Variants in TEDDM1 observed in about 807,000 individuals in gnomAD.
The protein encoded by TEDDM1 is transmembrane epididymal protein 1.
For missense variants in TEDDM1, 344 were observed against 318.9 expected (o/e 1.08, Z -0.60); for synonymous variants, 126 against 128.0 (o/e 0.98, Z 0.11).
rs768380805 is a variant in TEDDM1 at position 182,400,140 on chromosome 1, C to T, written c.346G>A (p.Val116Met). ...LIIYELLLLM[V>M]SHVKDSEGVE... ...CCTTCTGAATCTTTAACATGTGACA[C>T]CATCAGCAGCAGGAGCTCGTAGATG... is the stretch of plus-strand genomic sequence containing the variant. The change falls in exon 1 of 1, where the codon GTG becomes ATG. Residue 116 changes from valine (V) to methionine (M), a missense_variant. Val to Met is a conservative substitution (Grantham distance 21). Coordinates refer to ENST00000367565, the MANE Select transcript of TEDDM1 (RefSeq NM_172000.4). 1 of 1,614,064 alleles carries T rather than the reference C, an allele frequency of 6.2e-7. No homozygotes were observed. The highest frequency in any genetic ancestry group is 1.1e-5 in the South Asian group (1 of 91,074).
Position 182,400,625 on chromosome 1 carries a change from T to C in TEDDM1, c.-140A>G, listed in dbSNP as rs147136858. The C allele has an allele frequency of 1.7e-3, 1,148 of 669,354 alleles. 10 individuals carry two copies. In the African/African-American group the frequency reaches 0.018, roughly 11 times the overall value. The allele number at this position is 669,354 out of a possible 1,614,324, so 41.5% of individuals were successfully genotyped here. A position where few individuals can be genotyped will look rare whatever the true frequency, so the allele number is the denominator to read the frequency against. The stretch of plus-strand genomic sequence containing the variant: ...AGAGCAATACTCAGGACCTCTCTGC[T>C]CTCCTCTCCCTCACAGGCCTCTCGA... On this transcript the variant is annotated 5_prime_UTR_variant, in exon 1 of 1. Coordinates refer to ENST00000367565, the MANE Select transcript of TEDDM1 (RefSeq NM_172000.4).
rs757001962 is a variant in TEDDM1, at chr1:182,399,868, C to T, written c.618G>A (p.Val206=). 3.1e-6 allele frequency: 5 copies of T among 1,614,208 alleles called. No individual in the cohort carries two copies. The highest frequency in any genetic ancestry group is 4.2e-6 in the Non-Finnish European group (5 of 1,180,036). The change falls in exon 1 of 1, where the codon GTG becomes GTA. Residue 206 remains valine (V), a synonymous_variant. Coordinates refer to ENST00000367565, the MANE Select transcript of TEDDM1 (RefSeq NM_172000.4). ...CCAACAGGAATGAGGCATTGATCAT[C>T]ACATGCCAGCAGAAGAAGGTGGTGA... ...MFVTTFFCWH[V]MINASFLLGI...
At position 182,399,754 on chromosome 1, in the gene TEDDM1, G is replaced by A. The variant is rs1650649446; in HGVS notation, c.732C>T (p.Ser244=). Residue 244 remains serine, a synonymous_variant, in exon 1 of 1, where the codon AGC becomes AGT. Transcript: ENST00000367565. ...TGPKEAPYYA[S]TPGPLYKLLQ... ...GCAACTTGTAGAGGGGTCCTGGAGT[G>A]CTTGCATAATATGGAGCTTCTTTGG... 2.5e-6 allele frequency: 4 copies of A among 1,613,968 alleles called. No homozygotes were observed. Among genetic ancestry groups the A allele is most frequent in the Non-Finnish European group, 3.4e-6 (4 of 1,180,018 alleles).
Position 182,400,375 on chromosome 1 carries a change from G to A in TEDDM1, c.111C>T (p.Gly37=). The A allele has an allele frequency of 6.2e-7, 1 of 1,614,198 alleles. No individual in the cohort carries two copies. The highest frequency in any genetic ancestry group is 1.1e-5 in the South Asian group (1 of 91,084). ...GAACCACATAAAATGTTAAGAGGGAGCCAGTCACTATCTTTAGTAATCCTC... is the reference window on the plus strand; with the variant it reads ...GAACCACATAAAATGTTAAGAGGGAACCAGTCACTATCTTTAGTAATCCTC... ...AYGGLLKIVT[G]SLLTFYVVLC... is the part of the protein sequence containing the mutation. Residue 37 remains glycine, a synonymous_variant, in exon 1 of 1, where the codon GGC becomes GGT. Coordinates refer to ENST00000367565, the MANE Select transcript of TEDDM1 (RefSeq NM_172000.4).
chr1:182,400,361 A>C lies in TEDDM1; in HGVS notation c.125T>G (p.Phe42Cys). ...GCCATCAAGACAGAGAACCACATAA[A>C]ATGTTAAGAGGGAGCCAGTCACTAT... ...LKIVTGSLLT[F>C]YVVLCLDGGM... is the part of the protein sequence containing the mutation. Residue 42 changes from phenylalanine to cysteine, a missense_variant, in exon 1 of 1, where the codon TTT becomes TGT. Coordinates refer to ENST00000367565, the MANE Select transcript of TEDDM1 (RefSeq NM_172000.4). The C allele has an allele frequency of 1.2e-6, 2 of 1,614,158 alleles. No homozygotes were observed. The highest frequency in any genetic ancestry group is 8.5e-7 in the Non-Finnish European group (1 of 1,180,034).
chr1:182,399,815 T>C lies in TEDDM1; in HGVS notation c.671A>G (p.Tyr224Cys). Residue 224 changes from tyrosine (Y) to cysteine (C), a missense_variant, in exon 1 of 1, where the codon TAT becomes TGT. Coordinates refer to ENST00000367565, the MANE Select transcript of TEDDM1 (RefSeq NM_172000.4). Reference sequence around the variant, plus strand: ...CTTCAAGCTGGGTCTGAAACAATGATACCAAAAGGAAGAGAAGCCATAGAT... The same window carrying C: ...CTTCAAGCTGGGTCTGAAACAATGACACCAAAAGGAAGAGAAGCCATAGAT... ...LGIYGFSSFW[Y>C]HCFRPSLKLT... is the part of the protein sequence containing the mutation. 2 of 1,613,990 alleles carry C rather than the reference T, an allele frequency of 1.2e-6. No homozygotes were observed. The highest frequency in any genetic ancestry group is 1.7e-6 in the Non-Finnish European group (2 of 1,180,008).
rs1270083040 is a variant in TEDDM1 at position 182,399,643 on chromosome 1, C to G, written c.*21G>C. On this transcript the variant is annotated 3_prime_UTR_variant, in exon 1 of 1. Coordinates refer to ENST00000367565, the MANE Select transcript of TEDDM1 (RefSeq NM_172000.4). ...GGAGGAAGATGAGGTGGACGATGTG[C>G]CAGCCACTGTAGGCCCTGTCTCAGG... is the stretch of plus-strand genomic sequence containing the variant. The G allele has an allele frequency of 1.3e-6, 2 of 1,582,782 alleles. No individual in the cohort carries two copies. Among genetic ancestry groups the G allele is most frequent in the Admixed American group, 1.7e-5 (1 of 59,314 alleles).
chr1:182,400,450 G>C lies in TEDDM1; in HGVS notation c.36C>G (p.Cys12Trp), dbSNP rs1452583611. The C allele has an allele frequency of 6.2e-7, 1 of 1,612,570 alleles. No homozygotes were observed. The highest frequency in any genetic ancestry group is 8.5e-7 in the Non-Finnish European group (1 of 1,179,740). ...ILKGCLLYPL[C>W]SPRNKQRCAR... ...CACATCTTTGCTTATTCCTGGGAGA[G>C]CACAAAGGATACAGGAGACAACCTT... The change falls in exon 1 of 1, where the codon TGC (cysteine) becomes TGG (tryptophan). Residue 12 changes from cysteine to tryptophan, a missense_variant. By Grantham distance (215) the Cys-to-Trp change is radical. Coordinates refer to ENST00000367565, the MANE Select transcript of TEDDM1 (RefSeq NM_172000.4).
Position 182,400,446 on chromosome 1 carries a change from G to T in TEDDM1, c.40C>A (p.Pro14Thr), listed in dbSNP as rs1464247957. The part of the protein sequence containing the change: ...KGCLLYPLCS[P>T]RNKQRCARLW... ...CTGGCACATCTTTGCTTATTCCTGG[G>T]AGAGCACAAAGGATACAGGAGACAA... The change falls in exon 1 of 1, where the codon CCC becomes ACC. Residue 14 changes from proline (P) to threonine (T), a missense_variant. Pro to Thr is a conservative substitution (Grantham distance 38). Transcript: ENST00000367565. 6.2e-7 allele frequency: 1 copy of T among 1,613,076 alleles called. No homozygotes were observed. The highest frequency in any genetic ancestry group is 8.5e-7 in the Non-Finnish European group (1 of 1,179,828).
Position 182,400,282 on chromosome 1 carries a change from C to T in TEDDM1, c.204G>A (p.Glu68=), listed in dbSNP as rs770541062. ...QVPSRFMYPK[E]WQHLTMFILL... ...GGATGAACATGGTGAGGTGCTGCCA[C>T]TCTTTGGGGTACATGAACCTTGATG... is the stretch of plus-strand genomic sequence containing the variant. Residue 68 remains glutamate, a synonymous_variant, in exon 1 of 1, where the codon GAG becomes GAA. Transcript: ENST00000367565. 2.2e-5 allele frequency: 36 copies of T among 1,614,080 alleles called. No homozygotes were observed. The highest frequency in any genetic ancestry group is 2.8e-5 in the Non-Finnish European group (33 of 1,180,030).
rs1304725733 is a variant in TEDDM1 at position 182,398,815 on chromosome 1, T to A, written c.*849A>T. On this transcript the variant is annotated 3_prime_UTR_variant, in exon 1 of 1. Coordinates refer to ENST00000367565, the MANE Select transcript of TEDDM1 (RefSeq NM_172000.4). ...GAATGCTATAAAAATGCTATAGCAG[T>A]TGAATTCTATACAAATTTAAATTAT... The A allele has an allele frequency of 2.0e-5, 3 of 152,216 alleles. No individual in the cohort carries two copies. Among genetic ancestry groups the A allele is most frequent in the African/African-American group, 7.2e-5 (3 of 41,458 alleles). The allele number at this position is 152,216 out of a possible 1,614,324, so 9.4% of individuals were successfully genotyped here.
rs1348421186 is a variant in TEDDM1, at chr1:182,400,101, C to G, written c.385G>C (p.Val129Leu). The change falls in exon 1 of 1, where the codon GTT becomes CTT. Residue 129 changes from valine (V) to leucine (L), a missense_variant. By Grantham distance (32) the Val-to-Leu change is conservative. Transcript: ENST00000367565. Reference protein sequence around the residue: ...VKDSEGVELHVYSLLILVVFL... With the variant: ...VKDSEGVELHLYSLLILVVFL... ...ACCACCAAGATGAGCAGAGAATAAA[C>G]GTGCAGCTCCACCCCTTCTGAATCT... 1 of 1,613,882 alleles carries G rather than the reference C, an allele frequency of 6.2e-7. No individual in the cohort carries two copies. The highest frequency in any genetic ancestry group is 1.3e-5 in the African/African-American group (1 of 74,892).
Position 182,400,398 on chromosome 1 carries a change from C to T in TEDDM1, c.88G>A (p.Gly30Arg). 1 of 1,614,176 alleles carries T rather than the reference C, an allele frequency of 6.2e-7. No individual in the cohort carries two copies. The highest frequency in any genetic ancestry group is 8.5e-7 in the Non-Finnish European group (1 of 1,180,046). The change falls in exon 1 of 1, where the codon GGA becomes AGA. Residue 30 changes from glycine (G) to arginine (R), a missense_variant. Coordinates refer to ENST00000367565, the MANE Select transcript of TEDDM1 (RefSeq NM_172000.4). ...GAGCCAGTCACTATCTTTAGTAATC[C>T]TCCATAGGCTATTTTCCACAGCCTG... ...CARLWKIAYGGLLKIVTGSLL... is the reference protein window; with the variant it reads ...CARLWKIAYGRLLKIVTGSLL...
In TEDDM1 at chr1:182,398,195, T is replaced by C. The variant is rs972252311; in HGVS notation, c.*1469A>G. On this transcript the variant is annotated 3_prime_UTR_variant, in exon 1 of 1. Transcript: ENST00000367565. Reference sequence around the variant, plus strand: ...GTGCATTACTAAGGCAGTGACTCAGTGTTCAGGACTGTTGTTGTCACCCAG... The same window carrying C: ...GTGCATTACTAAGGCAGTGACTCAGCGTTCAGGACTGTTGTTGTCACCCAG... The C allele has an allele frequency of 1.3e-5, 2 of 152,206 alleles. No individual in the cohort carries two copies. The allele number at this position is 152,206 out of a possible 1,614,324, so 9.4% of individuals were successfully genotyped here.
In TEDDM1 at chr1:182,398,508, A is replaced by G. The variant is rs6667958; in HGVS notation, c.*1156T>C. 0.59 allele frequency: 90,161 copies of G among 152,082 alleles called. 27,733 individuals carry two copies. Among genetic ancestry groups the G allele is most frequent in the East Asian group, 0.83 (4,292 of 5,172 alleles). The allele number at this position is 152,082 out of a possible 1,614,324, so 9.4% of individuals were successfully genotyped here. On this transcript the variant is annotated 3_prime_UTR_variant, in exon 1 of 1. Coordinates refer to ENST00000367565, the MANE Select transcript of TEDDM1 (RefSeq NM_172000.4). ...CAAAGCAGATTTAATGTAAGTGCCC[A>G]AGAGTTCCAAAACAAGGGAATCAGT... is the stretch of plus-strand genomic sequence containing the variant.
In TEDDM1 at chr1:182,399,708, C is replaced by T. The variant is rs757117201; in HGVS notation, c.778G>A (p.Glu260Lys). 1 of 1,614,114 alleles carries T rather than the reference C, an allele frequency of 6.2e-7. No homozygotes were observed. The highest frequency in any genetic ancestry group is 8.5e-7 in the Non-Finnish European group (1 of 1,180,014). ...YKLLQEVEQS[E>K]KEDQALLLPK... ...AGGAGGAGAGCCTGGTCCTCTTTCT[C>T]TGACTGCTCCACTTCCTGTAGCAAC... Residue 260 changes from glutamate (E) to lysine (K), a missense_variant, in exon 1 of 1, where the codon GAG becomes AAG. Glu to Lys is a moderately conservative substitution (Grantham distance 56, BLOSUM62 1). Transcript: ENST00000367565.
chr1:182,399,825 A>G lies in TEDDM1; in HGVS notation c.661T>C (p.Ser221Pro). The G allele has an allele frequency of 6.2e-7, 1 of 1,614,154 alleles. No individual in the cohort carries two copies. Among genetic ancestry groups the G allele is most frequent in the Non-Finnish European group, 8.5e-7 (1 of 1,180,022 alleles). ...GGTCTGAAACAATGATACCAAAAGG[A>G]AGAGAAGCCATAGATTCCCAACAGG... ...SFLLGIYGFS[S>P]FWYHCFRPSL... The change falls in exon 1 of 1, where the codon TCC (serine) becomes CCC (proline). Residue 221 changes from serine to proline, a missense_variant. By Grantham distance (74) the Ser-to-Pro change is moderately conservative. Coordinates refer to ENST00000367565, the MANE Select transcript of TEDDM1 (RefSeq NM_172000.4).
chr1:182,400,545 A>G lies in TEDDM1; in HGVS notation c.-60T>C. On this transcript the variant is annotated 5_prime_UTR_variant, in exon 1 of 1. It removes the in-frame stop codon of an upstream open reading frame in the 5' UTR. Coordinates refer to ENST00000367565, the MANE Select transcript of TEDDM1 (RefSeq NM_172000.4). Reference sequence around the variant, plus strand: ...TAAGAGAAAAGAAATAGCCCCAGTTAAAAATGGCCAATGGACTTTCCCATG... The same window carrying G: ...TAAGAGAAAAGAAATAGCCCCAGTTGAAAATGGCCAATGGACTTTCCCATG... 1 of 1,414,072 alleles carries G rather than the reference A, an allele frequency of 7.1e-7. No homozygotes were observed. Among genetic ancestry groups the G allele is most frequent in the South Asian group, 1.4e-5 (1 of 73,712 alleles). The allele number at this position is 1,414,072 out of a possible 1,614,324, so 87.6% of individuals were successfully genotyped here.
Position 182,399,925 on chromosome 1 carries a change from C to T in TEDDM1, c.561G>A (p.Trp187Ter), listed in dbSNP as rs375891962. Residue 187 changes from tryptophan to a stop codon, truncating the protein, a stop_gained, in exon 1 of 1, where the codon TGG (tryptophan) becomes TGA (stop). Coordinates refer to ENST00000367565, the MANE Select transcript of TEDDM1 (RefSeq NM_172000.4). LOFTEE classifies it low-confidence loss of function (END_TRUNC). ...TGATGTCACTGATGTCATCGTCCTGCCATGGGTAGCCAGAGACGGGTCTGT... is the reference window on the plus strand; with the variant it reads ...TGATGTCACTGATGTCATCGTCCTGTCATGGGTAGCCAGAGACGGGTCTGT... ...ILYRPVSGYP[W>*]QDDDISDIMF... is the part of the protein sequence containing the mutation. 14 of 1,614,128 alleles carry T rather than the reference C, an allele frequency of 8.7e-6. No homozygotes were observed. The highest frequency in any genetic ancestry group is 6.7e-5 in the African/African-American group (5 of 75,014).
Sources: gnomAD v4.1 joint callset for allele counts on GRCh38, gnomAD v4.1.1 for gene constraint, MANE v1.5 for transcripts, NCBI Gene and HGNC (gene_info 2026-07-23, HGNC 2026-07-21) for gene names.